Variants in CALCRL observed in about 807,000 individuals in gnomAD.
CALCRL encodes calcitonin receptor like receptor.
CALCRL carries 27 observed loss-of-function variants against 60.4 expected under a neutral mutation model. The observed-to-expected ratio is 0.45, with a 90% confidence interval of 0.33 to 0.62. CALCRL has a LOEUF of 0.62. Among genes scored for constraint, CALCRL ranks in the 20% least tolerant of loss-of-function variants. The probability of loss-of-function intolerance (pLI) is 0.03; values close to 1 mark genes in which losing one functional copy is unlikely to be tolerated. For missense variants in CALCRL, 424 were observed against 540.7 expected (o/e 0.78, Z 2.14); for synonymous variants, 190 against 182.6 (o/e 1.04, Z -0.33).
At position 187,346,219 on chromosome 2, in the gene CALCRL, T is replaced by C; in HGVS notation, c.1351A>G (p.Asn451Asp). ...LNGKSIHDIE[N>D]VLLKPENLYN ...AAATTTTCTGGTTTTAAGAGAACAT[T>C]TTCAATATCATGGATGCTTTTTCCA... Residue 451 changes from asparagine to aspartate, a missense_variant, in exon 15 of 15, where the codon AAT (asparagine) becomes GAT (aspartate). By Grantham distance (23) the Asn-to-Asp change is conservative. This residue lies in a region of CALCRL where 222 missense variants were observed against 265.6 expected (regional missense o/e 0.84). Transcript: ENST00000392370. The C allele has an allele frequency of 6.2e-7, 1 of 1,610,822 alleles. No homozygotes were observed. The highest frequency in any genetic ancestry group is 8.5e-7 in the Non-Finnish European group (1 of 1,177,990).
intron 1 of CALCRL, among the ~76,000 whole-genome samples, chr2:187,441,539 A>C (rs1359507750): frequency 6.6e-6 from 1 of 151,892 alleles, no homozygotes; most frequent in Non-Finnish European, 1.5e-5. Flanking sequence ...AGGGCCAGGC[A>C]CCTCATAAGT....
At chr2:187,438,649 T>G (rs766418042) in intron 1 of CALCRL, among the ~76,000 whole-genome samples, 2 of 152,100 alleles carry the variant, frequency 1.3e-5, no homozygotes. Flanking sequence ...AGTCAGCCAG[T>G]TTCAACAAGA....
At chr2:187,414,811 C>A (rs906725866) in intron 1 of CALCRL, among the ~76,000 whole-genome samples, 10 of 151,982 alleles carry the variant, frequency 6.6e-5, no homozygotes, top group South Asian at 6.2e-4. Flanking sequence ...CATTGGCACA[C>A]ACATCATCCC....
rs1023729238 is a variant in CALCRL, at chr2:187,345,798, G to T, written c.*386C>A. 6.2e-6 allele frequency: 1 copy of T among 160,920 alleles called. No individual in the cohort carries two copies. Among genetic ancestry groups the T allele is most frequent in the African/African-American group, 2.4e-5 (1 of 41,566 alleles). 10.0% of individuals were successfully genotyped at this position (160,920 alleles called of 1,614,324 possible). On this transcript the variant is annotated 3_prime_UTR_variant, in exon 15 of 15. Coordinates refer to ENST00000392370, the MANE Select transcript of CALCRL (RefSeq NM_005795.6). Reference sequence around the variant, plus strand: ...TAGCTAGGTCTCTTGGGGCAATAAGGGTAGAATCATGCCCAACATGTATGT... The same window carrying T: ...TAGCTAGGTCTCTTGGGGCAATAAGTGTAGAATCATGCCCAACATGTATGT...
intron 1 of CALCRL, among the ~76,000 whole-genome samples, chr2:187,401,530 TA>T (rs1376941797): frequency 1.3e-5 from 2 of 151,664 alleles, no homozygotes; most frequent in East Asian, 3.9e-4. Flanking sequence ...TTTCCTTTGA[TA>T]AATAAATTTA....
intron 1 of CALCRL, among the ~76,000 whole-genome samples, chr2:187,413,850 A>C (rs1404136296): frequency 6.6e-6 from 1 of 152,084 alleles, no homozygotes; most frequent in Non-Finnish European, 1.5e-5. Flanking sequence ...CTAATTATGG[A>C]GCTGGACATT....
chr2:187,357,715 C>T (rs563977996), intron 12 of CALCRL, among the ~76,000 whole-genome samples: 38 of 151,332 alleles, frequency 2.5e-4, no homozygotes, highest in African/African-American at 9.0e-4. Context: ...TTAGTGGGTG[C>T]AGCGCACCAG....
chr2:187,424,818 T>C (rs1055762208), intron 1 of CALCRL, among the ~76,000 whole-genome samples: 11 of 151,968 alleles, frequency 7.2e-5, no homozygotes, highest in African/African-American at 2.4e-4. Context: ...AAGAAATATT[T>C]TGTCAAAACT....
chr2:187,430,013 T>A (rs1387609465), intron 1 of CALCRL, among the ~76,000 whole-genome samples: 1 of 152,198 alleles, frequency 6.6e-6, no homozygotes, highest in South Asian at 2.1e-4. Context: ...TGTGCTCTCT[T>A]TCCTATATAC....
chr2:187,441,538 C>T (rs1343881184), intron 1 of CALCRL, among the ~76,000 whole-genome samples: 3 of 151,808 alleles, frequency 2.0e-5, no homozygotes, highest in Non-Finnish European at 1.5e-5. Flanking sequence ...TAGGGCCAGG[C>T]ACCTCATAAG....
intron 12 of CALCRL, among the ~76,000 whole-genome samples, chr2:187,356,318 A>G (rs900734579): frequency 6.6e-6 from 1 of 152,196 alleles, no homozygotes; most frequent in Non-Finnish European, 1.5e-5. Flanking sequence ...ACATAGACCA[A>G]TTAAACAGAA....
chr2:187,383,437 G>T, intron 4 of CALCRL, 132 bp from the exon 5 acceptor site: 1 of 620,150 alleles, frequency 1.6e-6, no homozygotes, highest in Non-Finnish European at 2.6e-6. Flanking sequence ...GCGCTCTAGG[G>T]AAAAAACCCC....
chr2:187,380,533 A>T lies in CALCRL; in HGVS notation c.342T>A (p.His114Gln), dbSNP rs767449144. ...ICDQDGNWFR[H>Q]PASNRTWTNY... is the part of the protein sequence containing the mutation. ...TTGTCCATGTTCTGTTGCTTGCTGG[A>T]TGTCTAAACCAGTTTCCATCTTGGT... Residue 114 changes from histidine (H) to glutamine (Q), a missense_variant, in exon 7 of 15, where the codon CAT becomes CAA. Around this residue, in one of 7 missense-constraint regions of CALCRL, gnomAD observed 108 missense variants for 132.9 expected, o/e 0.81. Transcript: ENST00000392370. The T allele has an allele frequency of 6.2e-7, 1 of 1,613,614 alleles. No individual in the cohort carries two copies. Among genetic ancestry groups the T allele is most frequent in the East Asian group, 2.2e-5 (1 of 44,834 alleles).
chr2:187,363,072 G>T, intron 9 of CALCRL, among the ~76,000 whole-genome samples: 1 of 152,002 alleles, frequency 6.6e-6, no homozygotes, highest in East Asian at 1.9e-4. Context: ...GAAGATATGT[G>T]TACATGTATA....
chr2:187,422,152 A>C (rs1689901913), intron 1 of CALCRL, among the ~76,000 whole-genome samples: 1 of 152,216 alleles, frequency 6.6e-6, no homozygotes, highest in Non-Finnish European at 1.5e-5. Context: ...CCACAGGGCA[A>C]GTGTTTTTAT....
At chr2:187,436,298 AT>A (rs1435446250) in intron 1 of CALCRL, among the ~76,000 whole-genome samples, 1 of 152,166 alleles carries the variant, frequency 6.6e-6, no homozygotes, top group Non-Finnish European at 1.5e-5. Context: ...CCATTGAGCC[AT>A]CCCAGACTCA....
At chr2:187,387,115 C>G (rs1688240137) in intron 3 of CALCRL, among the ~76,000 whole-genome samples, 2 of 152,138 alleles carry the variant, frequency 1.3e-5, no homozygotes, top group African/African-American at 4.8e-5. Flanking sequence ...TTCCGATCAA[C>G]AGATATTTGC....
chr2:187,411,131 C>T (rs576858676), intron 1 of CALCRL, among the ~76,000 whole-genome samples: 2 of 152,068 alleles, frequency 1.3e-5, no homozygotes, highest in African/African-American at 4.8e-5. Flanking sequence ...CTTTTTACTT[C>T]TTGAATTCAG....
intron 14 of CALCRL, among the ~76,000 whole-genome samples, chr2:187,348,155 A>G (rs913287583): frequency 1.3e-5 from 2 of 151,752 alleles, no homozygotes; most frequent in African/African-American, 4.8e-5. Flanking sequence ...CGTATAAAAT[A>G]TCTAAATTCA....
Sources: gnomAD v4.1 joint callset for allele counts (sites outside exome capture counted in the v4.1 genomes callset) on GRCh38, gnomAD v4.1.1 for gene constraint, gnomAD v4.1.1 regional missense constraint, MANE v1.5 for transcripts, NCBI Gene and HGNC (gene_info 2026-07-23, HGNC 2026-07-21) for gene names.